The following CLASP2 variants were observed in gnomAD, a reference collection of about 807,000 sequenced individuals.
CLASP2 encodes cytoplasmic linker associated protein 2.
CLASP2 carries 47 observed loss-of-function variants against 194.4 expected under a neutral mutation model. That is an observed-to-expected ratio of 0.24 (90% CI 0.19 to 0.31). CLASP2 has a LOEUF of 0.31. Among genes scored for constraint, CLASP2 ranks in the 10% least tolerant of loss-of-function variants. The pLI, the probability that CLASP2 is intolerant of heterozygous loss-of-function variation, is 1.00. For synonymous variants in CLASP2, 619 were observed against 633.5 expected, an observed-to-expected ratio of 0.98 and a Z score of 0.34; for missense variants, 1,445 against 1,823.6, an observed-to-expected ratio of 0.79 and a Z score of 3.78.
chr3:33,697,794 C>G (rs991914092), intron 1 of CLASP2, among the ~76,000 whole-genome samples: 3 of 152,120 alleles, frequency 2.0e-5, no homozygotes, highest in African/African-American at 7.2e-5. Flanking sequence ...GGAGAATAAC[C>G]AACTAACCTG....
intron 8 of CLASP2, 43 bp downstream of exon 8, chr3:33,644,714 G>C: frequency 6.2e-7 from 1 of 1,603,332 alleles, no homozygotes; most frequent in Non-Finnish European, 8.5e-7. Context: ...CCATATCAAG[G>C]GCATGGAGCA....
At chr3:33,619,502 A>T in intron 12 of CLASP2, 101 bp downstream of exon 12, 1 of 1,013,676 alleles carries the variant, frequency 9.9e-7, no homozygotes, top group Non-Finnish European at 1.4e-6. Flanking sequence ...ACTTACATTG[A>T]GAGAGAGGGG....
intron 12 of CLASP2, among the ~76,000 whole-genome samples, chr3:33,618,577 G>A (rs1331807460): frequency 2.0e-5 from 3 of 152,126 alleles, no homozygotes; most frequent in African/African-American, 2.4e-5. Context: ...AACCCGGGCG[G>A]CAGAGGTTGC....
chr3:33,567,630 C>T (rs1026402497), intron 26 of CLASP2, among the ~76,000 whole-genome samples: 2 of 152,028 alleles, frequency 1.3e-5, no homozygotes, highest in South Asian at 2.1e-4. Flanking sequence ...TTTTAAAAAA[C>T]GTATATATGG....
At chr3:33,639,688 ATAATCAACGT>A (rs1260338613) in intron 8 of CLASP2, among the ~76,000 whole-genome samples, 1 of 152,206 alleles carries the variant, frequency 6.6e-6, no homozygotes, top group Non-Finnish European at 1.5e-5. Context: ...TACGTACTGT[ATAATCAACGT>A]TAGGAGAGAA....
chr3:33,650,795 G>A lies in CLASP2; in HGVS notation c.716-5892C>T, dbSNP rs574697267. Among the ~76,000 whole-genome samples, 100 of 152,114 alleles carry A rather than the reference G, an allele frequency of 6.6e-4. 1 individual carries two copies. Among genetic ancestry groups the A allele is most frequent in the Non-Finnish European group, 7.9e-4 (54 of 67,992 alleles). On this transcript the variant is annotated intron_variant, in intron 7 of 38. Coordinates refer to ENST00000682230, the MANE Select transcript of CLASP2 (RefSeq NM_001365631.1). ...CAAGAAGGGAGAAGGGGACAAACAG[G>A]CAGAAAGAGAAGAGAAGGAAAAAGA... is the stretch of plus-strand genomic sequence containing the variant.
intron 19 of CLASP2, among the ~76,000 whole-genome samples, chr3:33,595,390 A>G (rs1357747186): frequency 6.6e-6 from 1 of 152,096 alleles, no homozygotes. Context: ...GGAATCAGAA[A>G]AAGCTAACTG....
intron 10 of CLASP2, among the ~76,000 whole-genome samples, chr3:33,625,555 ATC>A (rs1171616669): frequency 9.3e-5 from 14 of 150,554 alleles, no homozygotes; most frequent in African/African-American, 2.4e-4. Flanking sequence ...ATCAAGTATG[ATC>A]TCTCTCTTTT....
rs905370942 is a variant in CLASP2, at chr3:33,596,657, T to C, written c.1948+54A>G. 15 of 1,255,694 alleles carry C rather than the reference T, an allele frequency of 1.2e-5. No individual in the cohort carries two copies. In the South Asian group the frequency reaches 1.4e-4, roughly 11 times the overall value. The allele number at this position is 1,255,694 out of a possible 1,614,324, so 77.8% of individuals were successfully genotyped here. ...GAGAAGAATGAACAAGGATATTATA[T>C]AGAATCCAGGTTCCATAAAAATCTT... On this transcript the variant is annotated intron_variant, in intron 19 of 38. Coordinates refer to ENST00000682230, the MANE Select transcript of CLASP2 (RefSeq NM_001365631.1).
chr3:33,511,705 C>T lies in CLASP2; in HGVS notation c.4111-941G>A, dbSNP rs947211713. The stretch of plus-strand genomic sequence containing the variant: ...ATCTCTAAAGATAGTCTTAAGAACA[C>T]GTAAAAATAAAACAAACAACCCCAT... On this transcript the variant is annotated intron_variant, in intron 36 of 38. Coordinates refer to ENST00000682230, the MANE Select transcript of CLASP2 (RefSeq NM_001365631.1). Among the ~76,000 whole-genome samples the T allele has an allele frequency of 1.6e-3, 207 of 131,842 alleles. 18 individuals are homozygous for T. Among genetic ancestry groups the T allele is most frequent in the Admixed American group, 1.1e-3 (12 of 11,346 alleles). 86.5% of individuals were successfully genotyped at this position (131,842 alleles called of 152,430 possible).
chr3:33,672,195 C>G (rs1365547831), intron 6 of CLASP2, among the ~76,000 whole-genome samples: 3 of 152,164 alleles, frequency 2.0e-5, no homozygotes, highest in African/African-American at 7.2e-5. Flanking sequence ...AGGCACCCCT[C>G]AGTAAGGGCA....
chr3:33,714,541 C>G (rs1035667754), intron 1 of CLASP2, among the ~76,000 whole-genome samples: 1 of 152,184 alleles, frequency 6.6e-6, no homozygotes, highest in African/African-American at 2.4e-5. Context: ...TAATTCCTCT[C>G]TTTCTTTCAA....
rs191077483 is a variant in CLASP2, at chr3:33,652,799, C to G, written c.716-7896G>C. ...CTGATCTCCCTAAGTCCTCCCCAAT[C>G]CCAGTAAATAACGTCACCATCTACT... On this transcript the variant is annotated intron_variant, in intron 7 of 38. Transcript: ENST00000682230. 4.6e-5 allele frequency among the ~76,000 whole-genome samples: 7 copies of G among 152,280 alleles called. No homozygotes were observed. The East Asian group carries it at 1.4e-3, about 29-fold the overall frequency.
At chr3:33,594,333 G>A (rs566253627) in intron 20 of CLASP2, among the ~76,000 whole-genome samples, 1 of 152,174 alleles carries the variant, frequency 6.6e-6, no homozygotes, top group South Asian at 2.1e-4. Context: ...TAAAAAGACA[G>A]ACTTCAGGTA....
intron 2 of CLASP2, among the ~76,000 whole-genome samples, chr3:33,695,063 G>GTT (rs373103110): frequency 3.2e-4 from 45 of 140,230 alleles, no homozygotes; most frequent in East Asian, 1.0e-3. Context: ...ATCTACTATA[G>GTT]TTTTTTTTTT....
intron 5 of CLASP2, among the ~76,000 whole-genome samples, chr3:33,684,825 C>A (rs56030005): frequency 6.6e-6 from 1 of 151,116 alleles, no homozygotes; most frequent in Non-Finnish European, 1.5e-5. Flanking sequence ...CATGGTGAAA[C>A]CCCGCCTCTA....
intron 22 of CLASP2, 98 bp from the exon 23 acceptor site, chr3:33,582,026 A>G (rs1186212127): frequency 4.6e-6 from 3 of 656,994 alleles, no homozygotes; most frequent in Non-Finnish European, 7.9e-6. Flanking sequence ...AAGACTGAAC[A>G]GTAACTTAAA....
intron 8 of CLASP2, among the ~76,000 whole-genome samples, chr3:33,638,925 C>T (rs1241864166): frequency 2.0e-5 from 3 of 152,102 alleles, no homozygotes; most frequent in Non-Finnish European, 2.9e-5. Context: ...TTCTAACACC[C>T]AAATTTCAGT....
intron 27 of CLASP2, among the ~76,000 whole-genome samples, chr3:33,565,547 C>T (rs2062568858): frequency 6.6e-6 from 1 of 152,146 alleles, no homozygotes; most frequent in African/African-American, 2.4e-5. Flanking sequence ...GGCGTGGTGG[C>T]TCATGCCTGT....
Sources: allele counts gnomAD v4.1 joint callset (sites outside exome capture counted in the v4.1 genomes callset), GRCh38; gene constraint gnomAD v4.1.1; transcripts MANE v1.5; gene names NCBI Gene and HGNC (gene_info 2026-07-23, HGNC 2026-07-21).